YES1: variants seen among roughly 807,000 people sequenced by gnomAD.
The protein encoded by YES1 is tyrosine-protein kinase Yes.
Under a neutral mutation model 70.4 loss-of-function variants are expected in YES1, and 39 were observed. The observed-to-expected ratio is 0.55, with a 90% CI of 0.43 to 0.72. The LOEUF is 0.72. Among genes scored for constraint, YES1 ranks in the 30% least tolerant of loss-of-function variants. YES1 has a pLI of 0.00. For synonymous variants in YES1, 198 were observed against 218.6 expected (o/e 0.91, Z 0.83); for missense variants, 495 against 644.8 (o/e 0.77, Z 2.52).
chr18:747,194 G>A (rs879290936), intron 4 of YES1, among the ~76,000 whole-genome samples: 3 of 152,204 alleles, frequency 2.0e-5, no homozygotes, highest in Non-Finnish European at 4.4e-5. Flanking sequence ...TTTGGGCCAG[G>A]CACAATGGCT....
At chr18:797,952 T>C (rs949258156) in intron 1 of YES1, 2 of 152,170 alleles carry the variant, frequency 1.3e-5, no homozygotes, top group African/African-American at 2.4e-5. Context: ...TTTAATAATA[T>C]AAACTTCACA....
chr18:764,928 G>T lies in YES1; in HGVS notation c.-8-8093C>A, dbSNP rs182301940. 7.7e-4 allele frequency among the ~76,000 whole-genome samples: 116 copies of T among 151,542 alleles called. 1 individual carries two copies. Among genetic ancestry groups the T allele is most frequent in the African/African-American group, 2.6e-3 (109 of 41,328 alleles). Reference sequence around the variant, plus strand: ...TTTGTGTATTTTTAGTAGAGACCGGGTTTCACTATGTTGGCCAGACTAGTC... The same window carrying T: ...TTTGTGTATTTTTAGTAGAGACCGGTTTTCACTATGTTGGCCAGACTAGTC... On this transcript the variant is annotated intron_variant, in intron 1 of 11. Coordinates refer to ENST00000314574, the MANE Select transcript of YES1 (RefSeq NM_005433.4).
Position 787,639 on chromosome 18 carries a change from T to C in YES1, c.-9+24475A>G, listed in dbSNP as rs866094896. Among the ~76,000 whole-genome samples, 4 of 151,744 alleles carry C rather than the reference T, an allele frequency of 2.6e-5. No homozygotes were observed. In the East Asian group the frequency reaches 7.9e-4, roughly 30 times the overall value. On this transcript the variant is annotated intron_variant, in intron 1 of 11. Transcript: ENST00000314574. ...GCAGAAGAATCACTTTAACCTGGGA[T>C]GCGGAGGTTGCAGTGAGCTGAAATC...
At chr18:727,879 T>A (rs1190981758) in intron 11 of YES1, among the ~76,000 whole-genome samples, 2 of 152,196 alleles carry the variant, frequency 1.3e-5, no homozygotes, top group African/African-American at 2.4e-5. Flanking sequence ...AAAAGTTAGC[T>A]GTCTGACTGT....
At chr18:725,364 T>C (rs1219773117) in intron 11 of YES1, among the ~76,000 whole-genome samples, 2 of 152,206 alleles carry the variant, frequency 1.3e-5, no homozygotes, top group African/African-American at 4.8e-5. Context: ...TTGGAAACTT[T>C]ATCAACCAAT....
intron 3 of YES1, 35 bp downstream of exon 3, chr18:751,670 C>A: frequency 7.4e-7 from 1 of 1,357,410 alleles, no homozygotes; most frequent in South Asian, 1.2e-5. Flanking sequence ...AGATTTCTGT[C>A]AGTATTTCTC....
At chr18:810,936 G>A (rs1367202154) in intron 1 of YES1, among the ~76,000 whole-genome samples, 2 of 150,920 alleles carry the variant, frequency 1.3e-5, no homozygotes, top group Non-Finnish European at 2.9e-5. Context: ...CCTGTCCACC[G>A]TGTGCCAAGC....
At chr18:726,766 G>A (rs1331648514) in intron 11 of YES1, among the ~76,000 whole-genome samples, 2 of 67,234 alleles carry the variant, frequency 3.0e-5, no homozygotes, top group African/African-American at 1.2e-4. Context: ...GGGTGACAAA[G>A]CAAGACTCTT....
chr18:799,335 C>G (rs1906702127), intron 1 of YES1, among the ~76,000 whole-genome samples: 1 of 152,180 alleles, frequency 6.6e-6, no homozygotes, highest in Non-Finnish European at 1.5e-5. Context: ...TCCAGCTCTC[C>G]TTACACTCAG....
chr18:766,691 A>C (rs1904926038), intron 1 of YES1, among the ~76,000 whole-genome samples: 1 of 151,984 alleles, frequency 6.6e-6, no homozygotes, highest in South Asian at 2.1e-4. Flanking sequence ...GCATGTTCTC[A>C]TGTGCTTATT....
intron 2 of YES1, among the ~76,000 whole-genome samples, chr18:755,290 C>G (rs1010528350): frequency 1.3e-5 from 2 of 151,750 alleles, no homozygotes; most frequent in East Asian, 1.9e-4. Flanking sequence ...GCTCTGTCAC[C>G]TAGGCTGGAA....
At chr18:776,507 C>A (rs184269710) in intron 1 of YES1, among the ~76,000 whole-genome samples, 73 of 152,240 alleles carry the variant, frequency 4.8e-4, no homozygotes, top group African/African-American at 1.7e-3. Flanking sequence ...AGACACTTAT[C>A]CATTGTTCTA....
intron 1 of YES1, among the ~76,000 whole-genome samples, chr18:776,390 G>A (rs1387088754): frequency 6.6e-6 from 1 of 152,104 alleles, no homozygotes; most frequent in East Asian, 1.9e-4. Context: ...TTTGGTGGGT[G>A]TGTAGGAGTC....
At chr18:740,151 A>C (rs7343001) in intron 8 of YES1, among the ~76,000 whole-genome samples, 73 of 152,344 alleles carry the variant, frequency 4.8e-4, no homozygotes, top group African/African-American at 1.7e-3. Context: ...TCAAGAATTC[A>C]GACAACTAGG....
intron 1 of YES1, among the ~76,000 whole-genome samples, chr18:793,003 GA>G: frequency 6.6e-6 from 1 of 150,388 alleles, no homozygotes; most frequent in Admixed American, 6.6e-5. Flanking sequence ...GCAAACAATA[GA>G]AAGAGTCTTA....
intron 1 of YES1, among the ~76,000 whole-genome samples, chr18:776,940 T>C (rs1192947362): frequency 6.6e-6 from 1 of 152,194 alleles, no homozygotes; most frequent in Non-Finnish European, 1.5e-5. Flanking sequence ...TCTAATACGC[T>C]TTCCCTATCA....
intron 11 of YES1, among the ~76,000 whole-genome samples, chr18:730,176 C>T (rs1828747348): frequency 6.6e-6 from 1 of 151,982 alleles, no homozygotes; most frequent in Admixed American, 6.6e-5. Flanking sequence ...AAAAGCCTAG[C>T]GTATTCTCCA....
intron 6 of YES1, 60 bp from the exon 7 acceptor site, chr18:743,475 G>T: frequency 1.5e-6 from 2 of 1,351,690 alleles, no homozygotes. Flanking sequence ...GGCATATAGT[G>T]TATCAATGTT....
At chr18:766,621 G>T (rs1321829429) in intron 1 of YES1, among the ~76,000 whole-genome samples, 2 of 151,888 alleles carry the variant, frequency 1.3e-5, no homozygotes, top group African/African-American at 4.8e-5. Context: ...ATTCTAATTG[G>T]TATGTAGTGA....
Sources: allele counts gnomAD v4.1 joint callset (sites outside exome capture counted in the v4.1 genomes callset), GRCh38; gene constraint gnomAD v4.1.1; transcripts MANE v1.5; gene names NCBI Gene and HGNC (gene_info 2026-07-23, HGNC 2026-07-21).